SETDB2: variants seen among roughly 807,000 people sequenced by gnomAD.
The protein encoded by SETDB2 is SET domain bifurcated histone lysine methyltransferase 2.
A neutral mutation model predicts 82.5 loss-of-function variants in SETDB2; 56 were observed. The ratio of observed to expected loss-of-function variants is 0.68; its 90% CI spans 0.55 to 0.85. SETDB2 has a LOEUF of 0.85. SETDB2 is among the 40% of genes least tolerant of loss of function. The pLI is 0.00. For synonymous variants in SETDB2, 272 were observed against 284.9 expected, an observed-to-expected ratio of 0.95 and a Z score of 0.46; for missense variants, 677 against 816.4, an observed-to-expected ratio of 0.83 and a Z score of 2.08.
chr13:49,480,008 T>C (rs758564735), intron 6 of SETDB2, among the ~76,000 whole-genome samples: 1 of 152,142 alleles, frequency 6.6e-6, no homozygotes, highest in African/African-American at 2.4e-5. Flanking sequence ...GCAAATAGAG[T>C]TGCAGTGCAG....
intron 5 of SETDB2, among the ~76,000 whole-genome samples, chr13:49,470,966 C>CTTTCTTTCTTTTTTTT (rs10695231): frequency 2.5e-5 from 2 of 80,470 alleles, no homozygotes; most frequent in South Asian, 4.5e-4. Flanking sequence ...TTCTTTCTTT[C>CTTTCTTTCTTTTTTTT]TTTTTTTTTT....
At chr13:49,469,101 C>T (rs912279041) in intron 5 of SETDB2, among the ~76,000 whole-genome samples, 24 of 151,972 alleles carry the variant, frequency 1.6e-4, no homozygotes, top group African/African-American at 5.8e-4. Flanking sequence ...TTCATTATAC[C>T]AGCTTATCAG....
At chr13:49,463,068 G>A (rs1483199127) in intron 4 of SETDB2, among the ~76,000 whole-genome samples, 1 of 152,026 alleles carries the variant, frequency 6.6e-6, no homozygotes, top group African/African-American at 2.4e-5. Flanking sequence ...TACAGTGGTG[G>A]TATCTCAGCT....
At chr13:49,468,024 C>T (rs571510998) in intron 5 of SETDB2, 64 bp downstream of exon 5, 27 of 1,194,750 alleles carry the variant, frequency 2.3e-5, no homozygotes, top group South Asian at 1.1e-4. Context: ...TTATAAATCA[C>T]TTGACATTAG....
At chr13:49,469,985 G>T (rs990434558) in intron 5 of SETDB2, among the ~76,000 whole-genome samples, 7 of 151,910 alleles carry the variant, frequency 4.6e-5, no homozygotes, top group Non-Finnish European at 1.0e-4. Flanking sequence ...GTTGTTTTTT[G>T]TTGTTGTTAT....
rs1958738459 is a variant in SETDB2, at chr13:49,492,824, T to C, written c.*975T>C. ...AAATACAAAAATTAGCCTGGCATGA[T>C]GGCATGTGCCCGTAGTCTCAGCTAC... On this transcript the variant is annotated 3_prime_UTR_variant, in exon 14 of 14. Transcript: ENST00000611815. 1 of 152,206 alleles carries C rather than the reference T, an allele frequency of 6.6e-6. No individual in the cohort carries two copies. Among genetic ancestry groups the C allele is most frequent in the Non-Finnish European group, 1.5e-5 (1 of 68,092 alleles). 9.4% of individuals were successfully genotyped at this position (152,206 alleles called of 1,614,324 possible). A position where few individuals can be genotyped will look rare whatever the true frequency, so the allele number is the denominator to read the frequency against.
intron 2 of SETDB2, among the ~76,000 whole-genome samples, chr13:49,457,022 C>A (rs1331406275): frequency 2.0e-5 from 3 of 152,104 alleles, no homozygotes; most frequent in African/African-American, 7.2e-5. Flanking sequence ...TGCTTAGTTA[C>A]ATTCATTTAT....
chr13:49,470,605 C>T (rs753974478), intron 5 of SETDB2, among the ~76,000 whole-genome samples: 3 of 152,112 alleles, frequency 2.0e-5, no homozygotes, highest in Non-Finnish European at 4.4e-5. Flanking sequence ...CCCAGCACTT[C>T]GGGAGGTTGA....
intron 4 of SETDB2, among the ~76,000 whole-genome samples, chr13:49,463,212 T>C (rs1386524123): frequency 6.6e-6 from 1 of 151,962 alleles, no homozygotes; most frequent in Non-Finnish European, 1.5e-5. Context: ...GGTTTCACCA[T>C]GTTGCCCAGA....
At chr13:49,467,062 T>C (rs1275510067) in intron 4 of SETDB2, among the ~76,000 whole-genome samples, 2 of 152,120 alleles carry the variant, frequency 1.3e-5, no homozygotes, top group Non-Finnish European at 2.9e-5. Flanking sequence ...TTATTAAACT[T>C]CTTTTGAGGG....
intron 5 of SETDB2, among the ~76,000 whole-genome samples, chr13:49,473,548 C>G (rs1213736079): frequency 8.0e-6 from 1 of 124,724 alleles, no homozygotes; most frequent in African/African-American, 3.1e-5. Flanking sequence ...AAGACCCTGT[C>G]TCCAAAAAAA....
chr13:49,465,905 A>G (rs1958102694), intron 4 of SETDB2, among the ~76,000 whole-genome samples: 2 of 152,214 alleles, frequency 1.3e-5, no homozygotes, highest in African/African-American at 4.8e-5. Flanking sequence ...GACCAGTGCT[A>G]CACCAAAGAA....
At chr13:49,447,789 C>T (rs931013940) in intron 1 of SETDB2, among the ~76,000 whole-genome samples, 1 of 152,102 alleles carries the variant, frequency 6.6e-6, no homozygotes, top group East Asian at 1.9e-4. Context: ...GTGTCTAAGA[C>T]CCAGTAGTGA....
chr13:49,474,155 G>A (rs1958306245), intron 5 of SETDB2, among the ~76,000 whole-genome samples: 1 of 152,200 alleles, frequency 6.6e-6, no homozygotes, highest in Non-Finnish European at 1.5e-5. Flanking sequence ...CCAGCTACTT[G>A]GGAGGCTAAG....
At position 49,492,073 on chromosome 13, in the gene SETDB2, G is replaced by A. The variant is rs1049412270; in HGVS notation, c.*224G>A. On this transcript the variant is annotated 3_prime_UTR_variant, in exon 14 of 14. Transcript: ENST00000611815. ...TGTTCACTGCTGTGCTACTTTACAT[G>A]AGTAGGATGGAAGTGTATATTTTAT... 3 of 480,290 alleles carry A rather than the reference G, an allele frequency of 6.2e-6. No homozygotes were observed. The highest frequency in any genetic ancestry group is 3.9e-5 in the African/African-American group (2 of 50,960). 29.8% of individuals were successfully genotyped at this position (480,290 alleles called of 1,614,324 possible).
At position 49,482,919 on chromosome 13, in the gene SETDB2, AAAT is replaced by A. The variant is rs1958507953; in HGVS notation, c.1340_1342del (p.Lys447_Cys448delinsSer). On this transcript the variant is annotated inframe_deletion, in exon 9 of 14. Coordinates refer to ENST00000611815, the MANE Select transcript of SETDB2 (RefSeq NM_001160308.3). ...ACATCCTAGAACTGCTAAAACTGAGAAATGTCCACCAAAGTTCAGTAATAATCC... is the reference window on the plus strand; with the variant it reads ...ACATCCTAGAACTGCTAAAACTGAGAGTCCACCAAAGTTCAGTAATAATCC... 6 of 1,613,276 alleles carry A rather than the reference AAAT, an allele frequency of 3.7e-6. No individual in the cohort carries two copies. The East Asian group carries it at 1.3e-4, about 36-fold the overall frequency.
At chr13:49,478,864 C>G (rs969524418) in intron 6 of SETDB2, among the ~76,000 whole-genome samples, 1 of 152,050 alleles carries the variant, frequency 6.6e-6, no homozygotes, top group Non-Finnish European at 1.5e-5. Flanking sequence ...GAGGTCGAGG[C>G]TGCAGTGAGC....
At chr13:49,445,240 T>A (rs4942830) in intron 1 of SETDB2, among the ~76,000 whole-genome samples, 83,989 of 151,898 alleles carry the variant, frequency 0.55, 23,376 homozygotes, top group African/African-American at 0.6. Flanking sequence ...TAAGAACACG[T>A]GAAGTAGTTA....
chr13:49,468,713 A>G (rs982714810), intron 5 of SETDB2, among the ~76,000 whole-genome samples: 1 of 151,914 alleles, frequency 6.6e-6, no homozygotes, highest in Non-Finnish European at 1.5e-5. Context: ...AGAGTTGTAG[A>G]TAGACACTGT....
Sources: allele counts gnomAD v4.1 joint callset (sites outside exome capture counted in the v4.1 genomes callset), GRCh38; gene constraint gnomAD v4.1.1; transcripts MANE v1.5; gene names NCBI Gene and HGNC (gene_info 2026-07-23, HGNC 2026-07-21).